Variants in KLHL1 observed in about 807,000 individuals in gnomAD.
KLHL1 encodes the protein kelch-like protein 1.
A neutral mutation model predicts 77.7 loss-of-function variants in KLHL1; 47 were observed. That is an observed-to-expected ratio of 0.60 (90% CI 0.48 to 0.77). The LOEUF is 0.77. KLHL1 is among the 30% of genes least tolerant of loss of function. The pLI, the probability that KLHL1 is intolerant of heterozygous loss-of-function variation, is 0.00. For missense variants in KLHL1, 925 were observed against 910.8 expected (o/e 1.02, Z -0.20); for synonymous variants, 360 against 325.2 (o/e 1.11, Z -1.15).
intron 4 of KLHL1, among the ~76,000 whole-genome samples, chr13:69,901,103 C>G (rs540323060): frequency 6.6e-6 from 1 of 152,244 alleles, no homozygotes; most frequent in South Asian, 2.1e-4. Context: ...TTGTAAGACA[C>G]TGTACATGCA....
At chr13:69,847,424 A>C (rs12428010) in intron 5 of KLHL1, among the ~76,000 whole-genome samples, 4 of 149,454 alleles carry the variant, frequency 2.7e-5, no homozygotes, top group Non-Finnish European at 6.0e-5. Context: ...AAAAAAAAAA[A>C]AAACATAATT....
chr13:69,732,822 C>A lies in KLHL1; in HGVS notation c.1802+7572G>T, dbSNP rs368248582. 3.9e-5 allele frequency among the ~76,000 whole-genome samples: 6 copies of A among 152,204 alleles called. No homozygotes were observed. The East Asian group carries it at 5.8e-4, about 15-fold the overall frequency. ...GCCATTGGCGCCAGCAGATTGGCAT[C>A]TTCTTCTCAGAGCACTGGGTCCCAG... On this transcript the variant is annotated intron_variant, in intron 8 of 10. Transcript: ENST00000377844.
At chr13:70,063,188 T>C (rs115975969) in intron 1 of KLHL1, among the ~76,000 whole-genome samples, 1 of 152,162 alleles carries the variant, frequency 6.6e-6, no homozygotes, top group Non-Finnish European at 1.5e-5. Context: ...CTTCTCTAAG[T>C]AGACTATGCT....
chr13:70,102,646 T>C (rs568683847), intron 1 of KLHL1, among the ~76,000 whole-genome samples: 1 of 152,310 alleles, frequency 6.6e-6, no homozygotes, highest in South Asian at 2.1e-4. Flanking sequence ...CGGGTTAAAG[T>C]CCAGCCTTAT....
At chr13:69,929,109 T>C (rs1882910670) in intron 4 of KLHL1, among the ~76,000 whole-genome samples, 1 of 133,170 alleles carries the variant, frequency 7.5e-6, no homozygotes. Flanking sequence ...ATTTAAGATT[T>C]AACAAGATAT....
intron 5 of KLHL1, among the ~76,000 whole-genome samples, chr13:69,852,303 AT>A (rs1232197350): frequency 1.3e-5 from 2 of 152,052 alleles, no homozygotes; most frequent in Admixed American, 6.6e-5. Context: ...AATGTTGAGA[AT>A]TCTTCCCTTA....
intron 7 of KLHL1, among the ~76,000 whole-genome samples, chr13:69,747,805 A>T (rs982215772): frequency 6.6e-5 from 10 of 152,006 alleles, no homozygotes; most frequent in African/African-American, 2.4e-4. Flanking sequence ...GAAACTTAGG[A>T]ACACAATTAT....
intron 1 of KLHL1, among the ~76,000 whole-genome samples, chr13:70,003,673 C>T (rs1242571153): frequency 6.6e-6 from 1 of 151,786 alleles, no homozygotes. Flanking sequence ...GTTTATTTTT[C>T]AGGGAAGAGG....
At chr13:69,997,827 T>G (rs1277471513) in intron 1 of KLHL1, among the ~76,000 whole-genome samples, 1 of 149,666 alleles carries the variant, frequency 6.7e-6, no homozygotes, top group East Asian at 1.9e-4. Context: ...TATATATATA[T>G]CTCACATATT....
intron 9 of KLHL1, among the ~76,000 whole-genome samples, chr13:69,709,233 AC>A (rs1189573944): frequency 6.6e-6 from 1 of 151,998 alleles, no homozygotes; most frequent in Non-Finnish European, 1.5e-5. Context: ...AGACACACAC[AC>A]CAACACAAGT....
chr13:69,794,250 C>T (rs17085391), intron 7 of KLHL1, among the ~76,000 whole-genome samples: 17,616 of 152,102 alleles, frequency 0.12, 1,218 homozygotes, highest in African/African-American at 0.19. Flanking sequence ...AGCTTACAGG[C>T]TTAGGGCTTC....
intron 1 of KLHL1, among the ~76,000 whole-genome samples, chr13:70,096,328 C>T (rs1279696721): frequency 6.6e-6 from 1 of 151,964 alleles, no homozygotes; most frequent in African/African-American, 2.4e-5. Context: ...TGAGGGCTCC[C>T]CTTTCTCTGC....
chr13:70,090,476 GA>G (rs138937966), intron 1 of KLHL1, among the ~76,000 whole-genome samples: 37 of 147,650 alleles, frequency 2.5e-4, no homozygotes, highest in Admixed American at 4.7e-4. Context: ...AAGGTTTATT[GA>G]AAAAAAAAAC....
chr13:69,865,060 C>T (rs2113365), intron 5 of KLHL1, among the ~76,000 whole-genome samples: 48,332 of 152,000 alleles, frequency 0.32, 8,191 homozygotes, highest in African/African-American at 0.45. Flanking sequence ...GATCCTCCTG[C>T]CTCAGCCTCC....
intron 6 of KLHL1, among the ~76,000 whole-genome samples, chr13:69,821,884 T>G (rs1566292421): frequency 6.6e-6 from 1 of 152,088 alleles, no homozygotes. Flanking sequence ...GGGATTTTTA[T>G]AGTTTTGTTC....
intron 1 of KLHL1, among the ~76,000 whole-genome samples, chr13:69,977,661 G>A (rs9317860): frequency 0.61 from 92,904 of 151,800 alleles, 28,592 homozygotes; most frequent in Middle Eastern, 0.65. Context: ...ACTTAAACAC[G>A]TTTTAATCGT....
intron 1 of KLHL1, among the ~76,000 whole-genome samples, chr13:70,066,910 A>G (rs1444328494): frequency 6.6e-6 from 1 of 152,232 alleles, no homozygotes; most frequent in Non-Finnish European, 1.5e-5. Context: ...CTATCTAGAC[A>G]TATTCGCTTA....
intron 6 of KLHL1, among the ~76,000 whole-genome samples, chr13:69,805,806 T>C (rs186899824): frequency 2.0e-5 from 3 of 151,362 alleles, no homozygotes; most frequent in Non-Finnish European, 1.5e-5. Context: ...ATTTCATAAT[T>C]TATTATATAA....
intron 6 of KLHL1, among the ~76,000 whole-genome samples, chr13:69,829,496 C>A (rs914191273): frequency 8.0e-5 from 12 of 149,880 alleles, no homozygotes; most frequent in Non-Finnish European, 1.3e-4. Context: ...AAGAAGGAAC[C>A]AGAAAAACAA....
Sources: allele counts gnomAD v4.1 joint callset (sites outside exome capture counted in the v4.1 genomes callset), GRCh38; gene constraint gnomAD v4.1.1; transcripts MANE v1.5; gene names NCBI Gene and HGNC (gene_info 2026-07-23, HGNC 2026-07-21).